GLI3: variants seen among roughly 807,000 people sequenced by gnomAD.
GLI3 encodes the protein GLI family zinc finger 3.
In GLI3, 20 loss-of-function variants were observed where a neutral mutation model predicts 100.8. That is an observed-to-expected ratio of 0.20 (90% confidence interval 0.14 to 0.29). The LOEUF is 0.29. Ranked by LOEUF, GLI3 falls within the 10% of genes least tolerant of loss-of-function variation. The pLI is 1.00. For synonymous variants in GLI3, 938 were observed against 860.5 expected (o/e 1.09, Z -1.58); for missense variants, 2,040 against 2,128.5 (o/e 0.96, Z 0.82).
intron 3 of GLI3, among the ~76,000 whole-genome samples, chr7:42,122,952 A>G (rs1440283916): frequency 6.6e-6 from 1 of 152,230 alleles, no homozygotes; most frequent in East Asian, 1.9e-4. Flanking sequence ...ATAAATCTGA[A>G]TATTAATTAC....
chr7:42,012,575 A>G lies in GLI3; in HGVS notation c.1497+10893T>C, dbSNP rs191642201. On this transcript the variant is annotated intron_variant, in intron 10 of 14. Transcript: ENST00000395925. The stretch of plus-strand genomic sequence containing the variant: ...ATCATACTTTCTCTTTGAGTTGTCA[A>G]TCGCCAAAAAGCTTTGTACAAGTGC... Among the ~76,000 whole-genome samples, 7 of 152,334 alleles carry G rather than the reference A, an allele frequency of 4.6e-5. No homozygotes were observed. In the East Asian group the frequency reaches 1.4e-3, roughly 29 times the overall value.
chr7:42,046,968 C>T (rs149376512), intron 5 of GLI3, among the ~76,000 whole-genome samples: 1 of 152,202 alleles, frequency 6.6e-6, no homozygotes, highest in African/African-American at 2.4e-5. Flanking sequence ...CCAGCATGGG[C>T]AACATGGCGA....
intron 3 of GLI3, among the ~76,000 whole-genome samples, chr7:42,122,749 G>A (rs768163459): frequency 1.5e-4 from 23 of 152,142 alleles, no homozygotes; most frequent in African/African-American, 4.6e-4. Flanking sequence ...TAATCAGCTG[G>A]TAAAACTGAA....
chr7:42,185,231 C>T (rs1325525389), intron 2 of GLI3, among the ~76,000 whole-genome samples: 1 of 152,172 alleles, frequency 6.6e-6, no homozygotes, highest in Non-Finnish European at 1.5e-5. Flanking sequence ...GGGCATGTTT[C>T]CTGAGTCCAT....
At chr7:42,109,163 C>A (rs1766142472) in intron 3 of GLI3, among the ~76,000 whole-genome samples, 2 of 152,144 alleles carry the variant, frequency 1.3e-5, no homozygotes, top group South Asian at 4.1e-4. Flanking sequence ...CCATGGCCCC[C>A]TACAATCTTT....
chr7:42,075,788 T>C (rs1425514885), intron 4 of GLI3, among the ~76,000 whole-genome samples: 3 of 152,232 alleles, frequency 2.0e-5, no homozygotes, highest in Non-Finnish European at 4.4e-5. Flanking sequence ...CTTGGGCATG[T>C]AGTTAGGATT....
In GLI3 at chr7:42,073,937, C is replaced by T. The variant is rs1784830664; in HGVS notation, c.473+2815G>A. Among the ~76,000 whole-genome samples, 4 of 152,142 alleles carry T rather than the reference C, an allele frequency of 2.6e-5. No individual in the cohort carries two copies. In the South Asian group the frequency reaches 8.3e-4, roughly 32 times the overall value. ...ACTTTCCCAGGTAACTGATTCATCCCTTAGCAAATACGTGCTTTTAAGATT... is the reference window on the plus strand; with the variant it reads ...ACTTTCCCAGGTAACTGATTCATCCTTTAGCAAATACGTGCTTTTAAGATT... On this transcript the variant is annotated intron_variant, in intron 4 of 14. Coordinates refer to ENST00000395925, the MANE Select transcript of GLI3 (RefSeq NM_000168.6).
chr7:42,165,398 C>A (rs1341590598), intron 2 of GLI3, among the ~76,000 whole-genome samples: 2 of 152,256 alleles, frequency 1.3e-5, no homozygotes, highest in African/African-American at 4.8e-5. Context: ...GCAAAAACAT[C>A]AGGGTTTTCA....
intron 4 of GLI3, among the ~76,000 whole-genome samples, chr7:42,075,565 C>G (rs1246334696): frequency 1.3e-5 from 2 of 152,168 alleles, no homozygotes; most frequent in African/African-American, 4.8e-5. Flanking sequence ...GGCTTCAGAA[C>G]CCTGTAAATA....
intron 10 of GLI3, among the ~76,000 whole-genome samples, chr7:42,017,158 C>A (rs1788787399): frequency 6.6e-6 from 1 of 152,206 alleles, no homozygotes; most frequent in African/African-American, 2.4e-5. Context: ...CTGCTATAGG[C>A]AAGCATATTC....
intron 3 of GLI3, among the ~76,000 whole-genome samples, chr7:42,132,301 C>T (rs939953482): frequency 5.3e-5 from 8 of 151,516 alleles, no homozygotes; most frequent in African/African-American, 7.3e-5. Flanking sequence ...GGGGTTTCAC[C>T]ATGTTAGCCA....
chr7:42,058,405 A>T (rs1301171201), intron 4 of GLI3, among the ~76,000 whole-genome samples: 1 of 152,232 alleles, frequency 6.6e-6, no homozygotes, highest in Non-Finnish European at 1.5e-5. Context: ...TTCATCAATA[A>T]TTTTTTAAAA....
intron 2 of GLI3, among the ~76,000 whole-genome samples, chr7:42,210,840 T>G (rs917755067): frequency 6.6e-6 from 1 of 152,178 alleles, no homozygotes; most frequent in Non-Finnish European, 1.5e-5. Flanking sequence ...ATGTTTCCTC[T>G]TCAATCTAGA....
intron 3 of GLI3, among the ~76,000 whole-genome samples, chr7:42,136,928 T>A (rs1050583422): frequency 2.0e-5 from 3 of 152,220 alleles, no homozygotes; most frequent in South Asian, 4.1e-4. Context: ...AGATCTGGAC[T>A]ATCATTTTGA....
chr7:42,126,536 A>C (rs551234381), intron 3 of GLI3, among the ~76,000 whole-genome samples: 7 of 152,320 alleles, frequency 4.6e-5, no homozygotes, highest in African/African-American at 1.7e-4. Flanking sequence ...GAAAGTTAAG[A>C]GAGAATATGC....
intron 3 of GLI3, among the ~76,000 whole-genome samples, chr7:42,141,761 G>A (rs538884362): frequency 1.1e-4 from 16 of 152,260 alleles, no homozygotes; most frequent in Non-Finnish European, 2.9e-5. Flanking sequence ...GAAGGATTAG[G>A]TGACTAAGTT....
chr7:42,030,795 T>C (rs1234402068), intron 7 of GLI3, among the ~76,000 whole-genome samples: 1 of 151,132 alleles, frequency 6.6e-6, no homozygotes, highest in Non-Finnish European at 1.5e-5. Context: ...CTCAGCTCAC[T>C]GAAACCTCCG....
intron 13 of GLI3, among the ~76,000 whole-genome samples, chr7:41,971,276 C>T (rs1227793290): frequency 6.6e-6 from 1 of 152,174 alleles, no homozygotes; most frequent in Non-Finnish European, 1.5e-5. Flanking sequence ...AATCTGTTTG[C>T]CTGATTGTTT....
At chr7:42,219,048 C>T (rs894784821) in intron 2 of GLI3, among the ~76,000 whole-genome samples, 1 of 152,298 alleles carries the variant, frequency 6.6e-6, no homozygotes, top group East Asian at 1.9e-4. Flanking sequence ...GAAAACACAA[C>T]ATGTAGCTTA....
Sources: allele counts gnomAD v4.1 joint callset (sites outside exome capture counted in the v4.1 genomes callset), GRCh38; gene constraint gnomAD v4.1.1; transcripts MANE v1.5; gene names NCBI Gene and HGNC (gene_info 2026-07-23, HGNC 2026-07-21).